The following CSRNP3 variants were observed in gnomAD, a reference collection of about 807,000 sequenced individuals.
The protein encoded by CSRNP3 is cysteine/serine-rich nuclear protein 3.
Under a neutral mutation model 48.0 loss-of-function variants are expected in CSRNP3, and 12 were observed. The ratio of observed to expected loss-of-function variants is 0.25; its 90% CI spans 0.16 to 0.41. The LOEUF is 0.41. Among genes scored for constraint, CSRNP3 ranks in the 10% least tolerant of loss-of-function variants. CSRNP3 has a pLI of 1.00. For missense variants in CSRNP3, 580 were observed against 724.4 expected, an observed-to-expected ratio of 0.80 and a Z score of 2.29; for synonymous variants, 263 against 269.7, an observed-to-expected ratio of 0.98 and a Z score of 0.24.
At chr2:165,634,304 C>T (rs550307536) in intron 4 of CSRNP3, among the ~76,000 whole-genome samples, 1 of 152,180 alleles carries the variant, frequency 6.6e-6, no homozygotes, top group Non-Finnish European at 1.5e-5. Context: ...CGCACCACTG[C>T]ACTCCACCCT....
At chr2:165,675,740 A>G (rs1160166710) in intron 5 of CSRNP3, among the ~76,000 whole-genome samples, 10 of 152,202 alleles carry the variant, frequency 6.6e-5, no homozygotes, top group African/African-American at 2.4e-4. Flanking sequence ...TGATTACTTC[A>G]TATCAAGCCC....
At chr2:165,658,256 T>G (rs1687039628) in intron 5 of CSRNP3, among the ~76,000 whole-genome samples, 1 of 152,040 alleles carries the variant, frequency 6.6e-6, no homozygotes, top group Non-Finnish European at 1.5e-5. Context: ...TATTGTGAGA[T>G]CATATGCCCT....
At position 165,642,574 on chromosome 2, in the gene CSRNP3, T is replaced by C. The variant is rs980270089; in HGVS notation, c.149-15187T>C. 2.0e-5 allele frequency among the ~76,000 whole-genome samples: 3 copies of C among 152,198 alleles called. No individual in the cohort carries two copies. In the South Asian group the frequency reaches 6.2e-4, roughly 32 times the overall value. ...GATTATGCATATTCTTTTTTTTTTT[T>C]TTTTGAGATTTAGTTTTGCTCTTTG... On this transcript the variant is annotated intron_variant, in intron 4 of 6. Transcript: ENST00000651982.
At position 165,604,539 on chromosome 2, in the gene CSRNP3, C is replaced by T. The variant is rs118028341; in HGVS notation, c.148+9326C>T. ...ATCAGGATCCTGATTTATTACTTATCATATCTGAATACATGTAATGATGAA... is the reference window on the plus strand; with the variant it reads ...ATCAGGATCCTGATTTATTACTTATTATATCTGAATACATGTAATGATGAA... On this transcript the variant is annotated intron_variant, in intron 4 of 6. Transcript: ENST00000651982. Among the ~76,000 whole-genome samples, 120 of 152,254 alleles carry T rather than the reference C, an allele frequency of 7.9e-4. No homozygotes were observed. The East Asian group carries it at 0.014, about 18-fold the overall frequency.
chr2:165,544,309 G>A (rs1223612708), intron 3 of CSRNP3, among the ~76,000 whole-genome samples: 2 of 152,152 alleles, frequency 1.3e-5, no homozygotes, highest in Admixed American at 1.3e-4. Flanking sequence ...TCACAGCACA[G>A]CAATGAGGCC....
intron 5 of CSRNP3, among the ~76,000 whole-genome samples, chr2:165,673,892 G>C (rs550309962): frequency 3.3e-5 from 5 of 151,986 alleles, no homozygotes; most frequent in African/African-American, 1.2e-4. Context: ...ATGGTGGCAG[G>C]CGCCTGTAAT....
intron 3 of CSRNP3, among the ~76,000 whole-genome samples, chr2:165,567,208 C>G (rs1020620367): frequency 1.3e-5 from 2 of 152,016 alleles, no homozygotes; most frequent in African/African-American, 4.8e-5. Flanking sequence ...GGTTAGACAT[C>G]TAATTCAGCA....
chr2:165,485,202 A>G (rs1314539802), intron 1 of CSRNP3, among the ~76,000 whole-genome samples: 3 of 152,328 alleles, frequency 2.0e-5, no homozygotes, highest in Non-Finnish European at 2.9e-5. Flanking sequence ...GCTTAGATAC[A>G]TAATCATACA....
chr2:165,552,467 A>G (rs746354598), intron 3 of CSRNP3, among the ~76,000 whole-genome samples: 2 of 152,190 alleles, frequency 1.3e-5, no homozygotes, highest in Non-Finnish European at 2.9e-5. Context: ...TGTGGACGCA[A>G]TAGGATAATA....
chr2:165,626,778 A>T (rs1216833162), intron 4 of CSRNP3, among the ~76,000 whole-genome samples: 3 of 152,210 alleles, frequency 2.0e-5, no homozygotes, highest in Admixed American at 2.0e-4. Context: ...TGACTCTTCC[A>T]TACTTTTAAA....
At chr2:165,620,170 T>C (rs1024778199) in intron 4 of CSRNP3, among the ~76,000 whole-genome samples, 2 of 152,140 alleles carry the variant, frequency 1.3e-5, no homozygotes, top group Admixed American at 6.5e-5. Context: ...CAGTTTTTCT[T>C]TGTGATCAAT....
intron 3 of CSRNP3, among the ~76,000 whole-genome samples, chr2:165,577,587 TATTAGTCCAACC>T (rs535479151): frequency 1.3e-4 from 19 of 151,770 alleles, no homozygotes; most frequent in Non-Finnish European, 2.1e-4. Context: ...ACATAATAAT[TATTAGTCCAACC>T]ATGATATTCA....
chr2:165,649,338 G>A (rs1686867904), intron 4 of CSRNP3, among the ~76,000 whole-genome samples: 1 of 152,050 alleles, frequency 6.6e-6, no homozygotes, highest in Non-Finnish European at 1.5e-5. Context: ...TAGTCTTGAG[G>A]GTAATCCATT....
At chr2:165,574,299 G>A in intron 3 of CSRNP3, 1 of 1,336,610 alleles carries the variant, frequency 7.5e-7, no homozygotes. Flanking sequence ...TGGAAAGCTG[G>A]ATCAGTTGCC....
intron 3 of CSRNP3, among the ~76,000 whole-genome samples, chr2:165,591,224 TG>T (rs1424916733): frequency 6.6e-6 from 1 of 152,218 alleles, no homozygotes; most frequent in Non-Finnish European, 1.5e-5. Context: ...GCAAAGAGAC[TG>T]GCAGCATTTT....
chr2:165,527,755 A>G (rs1350205344), intron 3 of CSRNP3, among the ~76,000 whole-genome samples: 1 of 152,186 alleles, frequency 6.6e-6, no homozygotes, highest in Admixed American at 6.5e-5. Context: ...ACATAAAGAG[A>G]TAAATGGCCA....
chr2:165,593,648 T>A (rs1279795015), intron 3 of CSRNP3, among the ~76,000 whole-genome samples: 1 of 152,142 alleles, frequency 6.6e-6, no homozygotes, highest in Non-Finnish European at 1.5e-5. Context: ...AGTACAGAGA[T>A]AATATAACTA....
chr2:165,475,843 T>C (rs1683955000), intron 1 of CSRNP3, among the ~76,000 whole-genome samples: 1 of 152,190 alleles, frequency 6.6e-6, no homozygotes, highest in Admixed American at 6.5e-5. Flanking sequence ...GTCCAAACGC[T>C]ATCTGTGCTC....
rs543658385 is a variant in CSRNP3 at position 165,471,338 on chromosome 2, TG to T, written c.-283+1600del. Among the ~76,000 whole-genome samples, 565 of 152,088 alleles carry T rather than the reference TG, an allele frequency of 3.7e-3. 4 individuals are homozygous for T. The highest frequency in any genetic ancestry group is 6.8e-3 in the Middle Eastern group (2 of 294). On this transcript the variant is annotated intron_variant, in intron 1 of 6. Coordinates refer to ENST00000651982, the MANE Select transcript of CSRNP3 (RefSeq NM_001172173.2). Reference sequence around the variant, plus strand: ...GATTTTGTTTTTTTAAGCAAAACAATGGTTGAAATTAATCCACCCCTCACCC... The same window carrying T: ...GATTTTGTTTTTTTAAGCAAAACAATGTTGAAATTAATCCACCCCTCACCC...
Sources: gnomAD v4.1 joint callset for allele counts (sites outside exome capture counted in the v4.1 genomes callset) on GRCh38, gnomAD v4.1.1 for gene constraint, MANE v1.5 for transcripts, NCBI Gene and HGNC (gene_info 2026-07-23, HGNC 2026-07-21) for gene names.